Variants in SLC7A11 observed in about 807,000 individuals in gnomAD.
SLC7A11 encodes the protein cystine/glutamate transporter.
Under a neutral mutation model 54.5 loss-of-function variants are expected in SLC7A11, and 35 were observed. That is an observed-to-expected ratio of 0.64 (90% confidence interval 0.49 to 0.85). SLC7A11 has a LOEUF of 0.85. Ranked by LOEUF, SLC7A11 falls within the 40% of genes least tolerant of loss-of-function variation. The pLI, the probability that SLC7A11 is intolerant of heterozygous loss-of-function variation, is 0.00. For synonymous variants in SLC7A11, 230 were observed against 225.2 expected (o/e 1.02, Z -0.19); for missense variants, 583 against 618.1 (o/e 0.94, Z 0.60).
At chr4:138,188,236 T>C (rs192519848) in intron 6 of SLC7A11, among the ~76,000 whole-genome samples, 11 of 152,192 alleles carry the variant, frequency 7.2e-5, no homozygotes, top group Admixed American at 4.6e-4. Context: ...CTAATTTTTT[T>C]ATCTTTATTA....
chr4:138,183,999 C>T (rs563278002), intron 7 of SLC7A11, among the ~76,000 whole-genome samples: 1 of 152,176 alleles, frequency 6.6e-6, no homozygotes, highest in Non-Finnish European at 1.5e-5. Context: ...TTCTTTTATG[C>T]CATGATATGT....
rs1482700015 is a variant in SLC7A11 at position 138,167,582 on chromosome 4, A to G, written c.*4374T>C. 1 of 152,218 alleles carries G rather than the reference A, an allele frequency of 6.6e-6. No individual in the cohort carries two copies. Among genetic ancestry groups the G allele is most frequent in the Non-Finnish European group, 1.5e-5 (1 of 68,046 alleles). The allele number at this position is 152,218 out of a possible 1,614,324, so 9.4% of individuals were successfully genotyped here. A position where few individuals can be genotyped will look rare whatever the true frequency, so the allele number is the denominator to read the frequency against. ...ATGAAAATTAAGCTTAAATACACGT[A>G]TAGGTAATAATTATTTTGCCCATAT... On this transcript the variant is annotated 3_prime_UTR_variant, in exon 12 of 12. Coordinates refer to ENST00000280612, the MANE Select transcript of SLC7A11 (RefSeq NM_014331.4).
intron 3 of SLC7A11, among the ~76,000 whole-genome samples, chr4:138,226,158 CT>C (rs1366516596): frequency 1.3e-5 from 2 of 151,994 alleles, no homozygotes; most frequent in Non-Finnish European, 2.9e-5. Flanking sequence ...TCTCAGATAG[CT>C]TAACAAAAAT....
At chr4:138,236,533 A>G (rs1022518290) in intron 1 of SLC7A11, 82 bp from the exon 2 acceptor site, 56 of 1,333,256 alleles carry the variant, frequency 4.2e-5, no homozygotes, top group Middle Eastern at 3.9e-4. Context: ...AATAATGTTT[A>G]TATGTTGCCT....
At chr4:138,178,430 C>T (rs1436042518) in intron 11 of SLC7A11, among the ~76,000 whole-genome samples, 1 of 152,068 alleles carries the variant, frequency 6.6e-6, no homozygotes, top group African/African-American at 2.4e-5. Context: ...GTAAATAGTG[C>T]TGCAATAAAC....
chr4:138,240,321 C>A lies in SLC7A11; in HGVS notation c.277+1472G>T, dbSNP rs548715402. On this transcript the variant is annotated intron_variant, in intron 1 of 11. Transcript: ENST00000280612. ...GTGGCTCATATCTGTAATCCCAGCA[C>A]TTTGGGAGACTGAGGTGGGTGGATC... is the stretch of plus-strand genomic sequence containing the variant. 2.0e-4 allele frequency among the ~76,000 whole-genome samples: 31 copies of A among 152,152 alleles called. No homozygotes were observed. The East Asian group carries it at 4.3e-3, about 21-fold the overall frequency.
intron 6 of SLC7A11, among the ~76,000 whole-genome samples, chr4:138,197,147 T>C (rs1737157544): frequency 6.6e-6 from 1 of 152,206 alleles, no homozygotes; most frequent in South Asian, 2.1e-4. Context: ...ACATATGTAG[T>C]GAAGGATTCT....
In SLC7A11 at chr4:138,170,248, GTGTATA is replaced by G. The variant is rs1280052546; in HGVS notation, c.*1702_*1707del. On this transcript the variant is annotated 3_prime_UTR_variant, in exon 12 of 12. Transcript: ENST00000280612. ...ATATATAAAAAGTGTGTGTGTGTGT[GTGTATA>G]TATATATATATATATATACACACAC... 1.4e-3 allele frequency: 122 copies of G among 89,194 alleles called. No individual in the cohort carries two copies. The highest frequency in any genetic ancestry group is 2.8e-3 in the African/African-American group (72 of 25,346). The allele number at this position is 89,194 out of a possible 1,614,324, so 5.5% of individuals were successfully genotyped here. A position where few individuals can be genotyped will look rare whatever the true frequency, so the allele number is the denominator to read the frequency against.
chr4:138,229,432 G>A (rs1358608104), intron 3 of SLC7A11, among the ~76,000 whole-genome samples: 1 of 152,152 alleles, frequency 6.6e-6, no homozygotes, highest in Non-Finnish European at 1.5e-5. Flanking sequence ...TTTAACTGTT[G>A]CTGATTATGG....
intron 6 of SLC7A11, among the ~76,000 whole-genome samples, chr4:138,202,979 C>G (rs1384748173): frequency 6.6e-6 from 1 of 152,050 alleles, no homozygotes; most frequent in African/African-American, 2.4e-5. Context: ...TGAGTAAAAT[C>G]AGATCTTTAA....
intron 6 of SLC7A11, among the ~76,000 whole-genome samples, chr4:138,212,089 T>A (rs961147148): frequency 1.3e-5 from 2 of 151,892 alleles, no homozygotes; most frequent in Non-Finnish European, 2.9e-5. Flanking sequence ...TTATCCTGAT[T>A]TGATCATTAC....
chr4:138,194,572 A>G (rs560431172), intron 6 of SLC7A11, among the ~76,000 whole-genome samples: 1 of 152,156 alleles, frequency 6.6e-6, no homozygotes, highest in East Asian at 1.9e-4. Context: ...TGCTTCCATC[A>G]TTTCCCTCAG....
Position 138,241,838 on chromosome 4 carries a change from T to G in SLC7A11, c.232A>C (p.Met78Leu). 6.2e-7 allele frequency: 1 copy of G among 1,614,116 alleles called. No homozygotes were observed. Among genetic ancestry groups the G allele is most frequent in the Non-Finnish European group, 8.5e-7 (1 of 1,180,016 alleles). ...GVLQNTGSVG[M>L]SLTIWTVCGV... ...CACACCGTCCAGATGGTCAGAGACA[T>G]GCCCACGCTGCCCGTGTTCTGGAGC... is the stretch of plus-strand genomic sequence containing the variant. Residue 78 changes from methionine to leucine, a missense_variant, in exon 1 of 12, where the codon ATG becomes CTG. Transcript: ENST00000280612.
chr4:138,215,352 G>A (rs945611101), intron 5 of SLC7A11, among the ~76,000 whole-genome samples: 1 of 151,956 alleles, frequency 6.6e-6, no homozygotes, highest in African/African-American at 2.4e-5. Context: ...CTCTAAAATC[G>A]AAAATCAAGT....
intron 5 of SLC7A11, among the ~76,000 whole-genome samples, chr4:138,215,972 T>C (rs1476226628): frequency 6.6e-6 from 1 of 151,672 alleles, no homozygotes; most frequent in Non-Finnish European, 1.5e-5. Flanking sequence ...CTCCAGGGAG[T>C]AGAGAAAAGG....
At chr4:138,175,387 G>A (rs1039534578) in intron 11 of SLC7A11, among the ~76,000 whole-genome samples, 3 of 152,034 alleles carry the variant, frequency 2.0e-5, no homozygotes, top group East Asian at 1.9e-4. Context: ...ACTCAACCCC[G>A]TGACAAGGTT....
rs1318878382 is a variant in SLC7A11 at position 138,167,051 on chromosome 4, A to AAAATTGACT, written c.*4896_*4904dup. The AAAATTGACT allele has an allele frequency of 6.6e-6, 1 of 152,200 alleles. No homozygotes were observed. The highest frequency in any genetic ancestry group is 1.9e-4 in the East Asian group (1 of 5,184). The allele number at this position is 152,200 out of a possible 1,614,324, so 9.4% of individuals were successfully genotyped here. ...ATAAGGAAAGAAATAATTATCTCCCAAAATTGACTATTAAAAAATAATTTT... is the reference window on the plus strand; with the variant it reads ...ATAAGGAAAGAAATAATTATCTCCCAAAATTGACTAAATTGACTATTAAAAAATAATTTT... On this transcript the variant is annotated 3_prime_UTR_variant, in exon 12 of 12. Coordinates refer to ENST00000280612, the MANE Select transcript of SLC7A11 (RefSeq NM_014331.4).
At chr4:138,199,577 C>T (rs138204511) in intron 6 of SLC7A11, among the ~76,000 whole-genome samples, 15 of 151,994 alleles carry the variant, frequency 9.9e-5, no homozygotes, top group South Asian at 2.1e-4. Flanking sequence ...TTTCTAAGTG[C>T]GCATAGATCA....
At chr4:138,187,904 TAAACAG>T (rs1454110967) in intron 6 of SLC7A11, among the ~76,000 whole-genome samples, 2 of 152,162 alleles carry the variant, frequency 1.3e-5, no homozygotes, top group African/African-American at 4.8e-5. Context: ...ATGCCTCAGA[TAAACAG>T]AAACAGACTA....
Sources: gnomAD v4.1 joint callset for allele counts (sites outside exome capture counted in the v4.1 genomes callset) on GRCh38, gnomAD v4.1.1 for gene constraint, MANE v1.5 for transcripts, NCBI Gene and HGNC (gene_info 2026-07-23, HGNC 2026-07-21) for gene names.